The following SINHCAF variants were observed in gnomAD, a reference collection of about 807,000 sequenced individuals.
SINHCAF encodes SIN3-HDAC complex-associated factor.
In SINHCAF, 3 loss-of-function variants were observed where a neutral mutation model predicts 25.8. That is an observed-to-expected ratio of 0.12 (90% CI 0.05 to 0.30). The LOEUF (loss-of-function observed/expected upper bound fraction) is 0.30, where lower values mean the gene tolerates loss of function less well. Ranked by LOEUF, SINHCAF falls within the 10% of genes least tolerant of loss-of-function variation. SINHCAF has a pLI of 1.00. For synonymous variants in SINHCAF, 70 were observed against 85.5 expected (o/e 0.82, Z 1.00); for missense variants, 121 against 262.3 (o/e 0.46, Z 3.72).
Position 31,282,718 on chromosome 12 carries a change from C to T in SINHCAF, c.660G>A (p.Glu220=). Reference sequence around the variant, plus strand: ...TTCTACATAAAAACCTCAGTCACCACTCCTGAGTGGAGATGGGCAGAGGCT... The same window carrying T: ...TTCTACATAAAAACCTCAGTCACCATTCCTGAGTGGAGATGGGCAGAGGCT... ...GPEPLPISTQ[E]W The change falls in exon 6 of 6, where the codon GAG becomes GAA. Residue 220 remains glutamate, a synonymous_variant. Coordinates refer to ENST00000337682, the MANE Select transcript of SINHCAF (RefSeq NM_001135812.2). 1 of 1,578,396 alleles carries T rather than the reference C, an allele frequency of 6.3e-7. No homozygotes were observed.
At chr12:31,300,613 C>G (rs1938749885) in intron 1 of SINHCAF, among the ~76,000 whole-genome samples, 3 of 151,946 alleles carry the variant, frequency 2.0e-5, no homozygotes, top group African/African-American at 7.3e-5. Flanking sequence ...CATATGATAA[C>G]TGAAAAGAAA....
intron 1 of SINHCAF, among the ~76,000 whole-genome samples, chr12:31,311,436 A>C (rs568974217): frequency 6.6e-6 from 1 of 152,350 alleles, no homozygotes; most frequent in Non-Finnish European, 1.5e-5. Flanking sequence ...TCCGATCTTC[A>C]TAAGGGTCAG....
rs1939907987 is a variant in SINHCAF, at chr12:31,325,116, C to T, written c.-21+908G>A. Reference sequence around the variant, plus strand: ...CCCGCGGCGTACACAACGCCGCCGCCTCCATCTCCAGCCAAGTTGGCTTCC... The same window carrying T: ...CCCGCGGCGTACACAACGCCGCCGCTTCCATCTCCAGCCAAGTTGGCTTCC... On this transcript the variant is annotated intron_variant, in intron 1 of 5. Transcript: ENST00000337682. This position sits in a 1 kb window ranked among gnomAD's most constrained non-coding sequence, Gnocchi z 5.9. 1 of 456,748 alleles carries T rather than the reference C, an allele frequency of 2.2e-6. No individual in the cohort carries two copies. The highest frequency in any genetic ancestry group is 4.4e-6 in the Non-Finnish European group (1 of 226,960). 28.3% of individuals were successfully genotyped at this position (456,748 alleles called of 1,614,324 possible).
rs556721865 is a variant in SINHCAF, at chr12:31,282,554, G to A, written c.*158C>T. The A allele has an allele frequency of 2.7e-5, 14 of 525,136 alleles. No homozygotes were observed. The highest frequency in any genetic ancestry group is 1.4e-4 in the African/African-American group (7 of 50,660). 32.5% of individuals were successfully genotyped at this position (525,136 alleles called of 1,614,324 possible). A position where few individuals can be genotyped will look rare whatever the true frequency, so the allele number is the denominator to read the frequency against. On this transcript the variant is annotated 3_prime_UTR_variant, in exon 6 of 6. Transcript: ENST00000337682. ...GGAGAATCACTTGAACCCGGGAGACGGAAGTTGCAGTGAGCCAAGATCACG... is the reference window on the plus strand; with the variant it reads ...GGAGAATCACTTGAACCCGGGAGACAGAAGTTGCAGTGAGCCAAGATCACG...
intron 1 of SINHCAF, chr12:31,305,081 A>G (rs1268017953): frequency 6.6e-6 from 1 of 152,252 alleles, no homozygotes; most frequent in Non-Finnish European, 1.5e-5. Context: ...AATCAGAGAC[A>G]GGGATCTTTG....
chr12:31,298,930 T>C (rs1444019778), intron 1 of SINHCAF, among the ~76,000 whole-genome samples: 1 of 152,162 alleles, frequency 6.6e-6, no homozygotes. Flanking sequence ...TGCCCCTTAG[T>C]TGTTAGAGGT....
At chr12:31,317,809 C>G (rs979587195) in intron 1 of SINHCAF, among the ~76,000 whole-genome samples, 1 of 152,020 alleles carries the variant, frequency 6.6e-6, no homozygotes, top group Non-Finnish European at 1.5e-5. Flanking sequence ...ACACACAGAG[C>G]AGAATGGGAA....
chr12:31,283,180 TG>T (rs1937876917), intron 5 of SINHCAF, among the ~76,000 whole-genome samples: 1 of 151,954 alleles, frequency 6.6e-6, no homozygotes, highest in African/African-American at 2.4e-5. Context: ...CACCAACTCT[TG>T]AAAAAAAAAT....
At chr12:31,291,280 T>C (rs1034148027) in intron 4 of SINHCAF, among the ~76,000 whole-genome samples, 4 of 152,250 alleles carry the variant, frequency 2.6e-5, no homozygotes, top group African/African-American at 9.6e-5. Context: ...CTAACATTTA[T>C]AGACGAATTT....
Position 31,325,446 on chromosome 12 carries a change from G to C in SINHCAF, c.-21+578C>G, listed in dbSNP as rs958072802. ...CCCAAAGGCCGATTTAAAGACCCTC[G>C]GCCGCCAGCTCGGAAGCGGATGGCA... On this transcript the variant is annotated intron_variant, in intron 1 of 5. Coordinates refer to ENST00000337682, the MANE Select transcript of SINHCAF (RefSeq NM_001135812.2). The surrounding 1 kb of genome is among the most constrained non-coding windows in gnomAD (Gnocchi z 5.9). 25 of 348,106 alleles carry C rather than the reference G, an allele frequency of 7.2e-5. No homozygotes were observed. In the East Asian group the frequency reaches 1.7e-3, roughly 24 times the overall value. 21.6% of individuals were successfully genotyped at this position (348,106 alleles called of 1,614,324 possible). A position where few individuals can be genotyped will look rare whatever the true frequency, so the allele number is the denominator to read the frequency against.
rs539873358 is a variant in SINHCAF at position 31,324,637 on chromosome 12, C to T, written c.-21+1387G>A. On this transcript the variant is annotated intron_variant, in intron 1 of 5. Coordinates refer to ENST00000337682, the MANE Select transcript of SINHCAF (RefSeq NM_001135812.2). This position sits in a 1 kb window ranked among gnomAD's most constrained non-coding sequence, Gnocchi z 5.5. ...CGGCCCCGAGCGCCGGGGGCCCGCA[C>T]GGGCACATGCAGCCCTTTGTTTTCT... The T allele has an allele frequency of 2.7e-5, 7 of 258,356 alleles. No individual in the cohort carries two copies. The highest frequency in any genetic ancestry group is 2.2e-4 in the South Asian group (6 of 27,618). The allele number at this position is 258,356 out of a possible 1,614,324, so 16.0% of individuals were successfully genotyped here.
intron 1 of SINHCAF, among the ~76,000 whole-genome samples, chr12:31,318,999 T>G (rs76710869): frequency 6.6e-6 from 1 of 152,174 alleles, no homozygotes; most frequent in Non-Finnish European, 1.5e-5. Flanking sequence ...GAAGGTAAAA[T>G]TCTGATTACT....
rs1485620694 is a variant in SINHCAF at position 31,325,981 on chromosome 12, C to T, written c.-21+43G>A. 6.6e-6 allele frequency: 1 copy of T among 152,034 alleles called. No homozygotes were observed. The allele number at this position is 152,034 out of a possible 1,614,324, so 9.4% of individuals were successfully genotyped here. On this transcript the variant is annotated intron_variant, in intron 1 of 5. Coordinates refer to ENST00000337682, the MANE Select transcript of SINHCAF (RefSeq NM_001135812.2). This position sits in a 1 kb window ranked among gnomAD's most constrained non-coding sequence, Gnocchi z 5.9. ...AAAAAAAACACTGAAATCAAAGCCT[C>T]GTGAGACAGTTTTGCACTAGAAGCA... is the stretch of plus-strand genomic sequence containing the variant.
intron 1 of SINHCAF, among the ~76,000 whole-genome samples, chr12:31,311,181 A>C (rs1939253284): frequency 6.6e-6 from 1 of 152,172 alleles, no homozygotes; most frequent in African/African-American, 2.4e-5. Context: ...AATGGCATTT[A>C]ACAGAGAAGC....
At chr12:31,285,674 T>C (rs746237849) in intron 5 of SINHCAF, among the ~76,000 whole-genome samples, 1 of 151,974 alleles carries the variant, frequency 6.6e-6, no homozygotes, top group Non-Finnish European at 1.5e-5. Context: ...CTTCACAGAA[T>C]TGTCATAAAG....
chr12:31,317,062 A>G (rs1939522368), intron 1 of SINHCAF, among the ~76,000 whole-genome samples: 2 of 152,162 alleles, frequency 1.3e-5, no homozygotes, highest in Non-Finnish European at 2.9e-5. Flanking sequence ...TTATATATTC[A>G]GAAGTAAAGC....
intron 3 of SINHCAF, among the ~76,000 whole-genome samples, chr12:31,294,640 TATC>T (rs1328917740): frequency 1.3e-5 from 2 of 152,196 alleles, no homozygotes; most frequent in Non-Finnish European, 2.9e-5. Context: ...GGAAGGTTGT[TATC>T]ATCTTCAAAA....
chr12:31,285,737 A>T (rs1225052545), intron 5 of SINHCAF, among the ~76,000 whole-genome samples: 1 of 152,116 alleles, frequency 6.6e-6, no homozygotes, highest in African/African-American at 2.4e-5. Flanking sequence ...GCACTTTGGG[A>T]GGTCAAGGCA....
At chr12:31,322,617 C>T (rs539181124) in intron 1 of SINHCAF, among the ~76,000 whole-genome samples, 4 of 152,142 alleles carry the variant, frequency 2.6e-5, no homozygotes, top group African/African-American at 9.6e-5. Context: ...TATAGGTTGC[C>T]TTTTGGTATT....
Sources: gnomAD v4.1 joint callset for allele counts (sites outside exome capture counted in the v4.1 genomes callset) on GRCh38, gnomAD v4.1.1 for gene constraint, Gnocchi (gnomAD v3.1) non-coding constraint, MANE v1.5 for transcripts, NCBI Gene and HGNC (gene_info 2026-07-23, HGNC 2026-07-21) for gene names.